The following TNFAIP8 variants were observed in gnomAD, a reference collection of about 807,000 sequenced individuals.
The protein encoded by TNFAIP8 is tumor necrosis factor alpha-induced protein 8.
TNFAIP8 carries 7 observed loss-of-function variants against 13.3 expected under a neutral mutation model. The ratio of observed to expected loss-of-function variants is 0.52; its 90% CI spans 0.30 to 0.99. The LOEUF (loss-of-function observed/expected upper bound fraction) is 0.99. TNFAIP8 is among the 50% of genes least tolerant of loss of function. The pLI is 0.07. For missense variants in TNFAIP8, 258 were observed against 236.9 expected (o/e 1.09, Z -0.58); for synonymous variants, 94 against 87.6 (o/e 1.07, Z -0.41).
intron 1 of TNFAIP8, among the ~76,000 whole-genome samples, chr5:119,314,951 G>A (rs993736632): frequency 3.3e-5 from 5 of 151,240 alleles, no homozygotes; most frequent in African/African-American, 9.7e-5. Context: ...GCATGATTTC[G>A]GCTTACTGCA....
chr5:119,371,290 G>A (rs539312156), intron 1 of TNFAIP8, among the ~76,000 whole-genome samples: 12 of 152,200 alleles, frequency 7.9e-5, no homozygotes, highest in African/African-American at 1.9e-4. Context: ...GCACTTGTTC[G>A]TTGCCTATAT....
chr5:119,341,424 CAAAG>C (rs34488006), intron 1 of TNFAIP8, among the ~76,000 whole-genome samples: 24,096 of 151,990 alleles, frequency 0.16, 3,344 homozygotes, highest in African/African-American at 0.38. Context: ...TTAAAACAAA[CAAAG>C]AAACAAAAAA....
At chr5:119,355,074 G>A, upstream of TNFAIP8, 1 of 494,694 alleles carries the variant, frequency 2.0e-6, no homozygotes, top group South Asian at 2.3e-5. Flanking sequence ...AGGCTCCACA[G>A]AGCTAAGGGG....
chr5:119,356,947 AGAG>A, intron 1 of TNFAIP8, among the ~76,000 whole-genome samples: 1 of 152,288 alleles, frequency 6.6e-6, no homozygotes, highest in Non-Finnish European at 1.5e-5. Flanking sequence ...AGAGAGTAAG[AGAG>A]GAGACTATTC....
chr5:119,328,336 T>C (rs192029075), intron 1 of TNFAIP8, among the ~76,000 whole-genome samples: 1,553 of 150,620 alleles, frequency 0.01, 22 homozygotes, highest in African/African-American at 0.036. Flanking sequence ...GAAACTTACT[T>C]CGCAAAAAAA....
intron 1 of TNFAIP8, among the ~76,000 whole-genome samples, chr5:119,336,283 T>A (rs1225014537): frequency 6.6e-6 from 1 of 152,206 alleles, no homozygotes; most frequent in East Asian, 1.9e-4. Context: ...CCTCATGGTG[T>A]GAGAGCTGGG....
intron 1 of TNFAIP8, among the ~76,000 whole-genome samples, chr5:119,285,425 A>G (rs1398355704): frequency 6.6e-6 from 1 of 151,162 alleles, no homozygotes; most frequent in East Asian, 1.9e-4. Context: ...TGACTGCCCC[A>G]GTGTGGAATG....
intron 1 of TNFAIP8, among the ~76,000 whole-genome samples, chr5:119,342,252 A>G (rs890117499): frequency 6.6e-6 from 1 of 152,224 alleles, no homozygotes; most frequent in Non-Finnish European, 1.5e-5. Flanking sequence ...AGCCTCTCAG[A>G]GATAGCACCT....
At chr5:119,337,615 G>T (rs1379098065) in intron 1 of TNFAIP8, among the ~76,000 whole-genome samples, 1 of 152,176 alleles carries the variant, frequency 6.6e-6, no homozygotes, top group Non-Finnish European at 1.5e-5. Flanking sequence ...AATAAAAAAT[G>T]CCAAGGCTAA....
intron 1 of TNFAIP8, among the ~76,000 whole-genome samples, chr5:119,341,697 G>A (rs192184211): frequency 3.9e-5 from 6 of 152,286 alleles, no homozygotes; most frequent in Admixed American, 2.0e-4. Flanking sequence ...ATATCTTCAC[G>A]GAAGTCATTT....
intron 1 of TNFAIP8, among the ~76,000 whole-genome samples, chr5:119,314,194 CAAACAAACAAAA>C (rs760788706): frequency 4.6e-5 from 7 of 151,882 alleles, no homozygotes; most frequent in Non-Finnish European, 8.8e-5. Flanking sequence ...AACAAACAAA[CAAACAAACAAAA>C]AAACCATGTC....
At chr5:119,377,948 A>T (rs183696722) in intron 1 of TNFAIP8, among the ~76,000 whole-genome samples, 2 of 151,092 alleles carry the variant, frequency 1.3e-5, no homozygotes, top group South Asian at 4.2e-4. Flanking sequence ...GATGGCCAGG[A>T]GGGATGTGGT....
chr5:119,341,918 C>A (rs1471334638), intron 1 of TNFAIP8, among the ~76,000 whole-genome samples: 1 of 151,702 alleles, frequency 6.6e-6, no homozygotes, highest in African/African-American at 2.4e-5. Flanking sequence ...CTTAGGCAGG[C>A]ATGGGGTTAG....
intron 1 of TNFAIP8, chr5:119,333,252 G>A (rs1411442503): frequency 2.9e-5 from 30 of 1,051,866 alleles, no homozygotes; most frequent in Middle Eastern, 8.5e-4. Flanking sequence ...GGGAGCAAGT[G>A]CAGGCAGCAA....
intron 1 of TNFAIP8, among the ~76,000 whole-genome samples, chr5:119,283,570 T>A (rs1236269786): frequency 1.3e-5 from 2 of 152,240 alleles, no homozygotes; most frequent in East Asian, 3.8e-4. Flanking sequence ...ACTCTTAGCC[T>A]TGGTCACACC....
chr5:119,336,835 T>C (rs1024387115), intron 1 of TNFAIP8, among the ~76,000 whole-genome samples: 1 of 152,224 alleles, frequency 6.6e-6, no homozygotes, highest in African/African-American at 2.4e-5. Context: ...ACAGGATTAC[T>C]AGTTGAGGAG....
intron 1 of TNFAIP8, among the ~76,000 whole-genome samples, chr5:119,335,736 C>T (rs572201156): frequency 3.3e-5 from 5 of 152,066 alleles, no homozygotes; most frequent in Non-Finnish European, 5.9e-5. Flanking sequence ...AGATAGAAAT[C>T]CCTGCTCTTG....
intron 1 of TNFAIP8, among the ~76,000 whole-genome samples, chr5:119,277,059 T>C (rs965278305): frequency 6.6e-6 from 1 of 152,196 alleles, no homozygotes. Flanking sequence ...ATTATAACAA[T>C]ATATTGTAAT....
At chr5:119,358,886 G>A (rs574781532) in intron 1 of TNFAIP8, among the ~76,000 whole-genome samples, 1 of 152,168 alleles carries the variant, frequency 6.6e-6, no homozygotes, top group South Asian at 2.1e-4. Context: ...GTGTCACTTT[G>A]TGGGGACTTG....
Sources: allele counts gnomAD v4.1 joint callset (sites outside exome capture counted in the v4.1 genomes callset), GRCh38; gene constraint gnomAD v4.1.1; transcripts MANE v1.5; gene names NCBI Gene and HGNC (gene_info 2026-07-23, HGNC 2026-07-21).